The following SPAG17 variants were observed in gnomAD, a reference collection of about 807,000 sequenced individuals.
SPAG17 encodes the protein sperm associated antigen 17, also known as sperm-associated antigen 17.
Under a neutral mutation model 273.6 loss-of-function variants are expected in SPAG17, and 169 were observed. The observed-to-expected ratio is 0.62, with a 90% CI of 0.55 to 0.70. The LOEUF (loss-of-function observed/expected upper bound fraction) is 0.70, where lower values mean the gene tolerates loss of function less well. Among genes scored for constraint, SPAG17 ranks in the 30% least tolerant of loss-of-function variants. The probability of loss-of-function intolerance (pLI) is 0.00; values close to 1 mark genes in which losing one functional copy is unlikely to be tolerated. For missense variants in SPAG17, 2,557 were observed against 2,627.8 expected (o/e 0.97, Z 0.59); for synonymous variants, 825 against 873.2 (o/e 0.94, Z 0.97).
At chr1:117,995,288 C>T (rs1657531871) in intron 34 of SPAG17, among the ~76,000 whole-genome samples, 1 of 152,050 alleles carries the variant, frequency 6.6e-6, no homozygotes. Context: ...CCCTCGGAGA[C>T]CTTATCCCAA....
At chr1:118,022,478 A>G (rs1344008340) in intron 28 of SPAG17, among the ~76,000 whole-genome samples, 1 of 152,196 alleles carries the variant, frequency 6.6e-6, no homozygotes, top group Non-Finnish European at 1.5e-5. Flanking sequence ...ACCAGCAATT[A>G]AAGAAATGCA....
intron 17 of SPAG17, among the ~76,000 whole-genome samples, chr1:118,069,795 T>G (rs1163745574): frequency 6.6e-6 from 1 of 152,130 alleles, no homozygotes; most frequent in Non-Finnish European, 1.5e-5. Context: ...CCATATTAGA[T>G]GCTGGGTAAA....
At chr1:118,012,109 G>C (rs1659534568) in intron 30 of SPAG17, 119 bp downstream of exon 30, 1 of 945,192 alleles carries the variant, frequency 1.1e-6, no homozygotes, top group African/African-American at 1.7e-5. Context: ...TCTTTAGTTG[G>C]CTAACTTTAC....
intron 40 of SPAG17, among the ~76,000 whole-genome samples, chr1:117,985,080 T>C (rs1656261129): frequency 6.6e-6 from 1 of 152,208 alleles, no homozygotes; most frequent in Non-Finnish European, 1.5e-5. Context: ...CATAGCCCTG[T>C]AATGGTTAAA....
At chr1:118,134,399 T>C (rs1173586803) in intron 3 of SPAG17, among the ~76,000 whole-genome samples, 1 of 152,248 alleles carries the variant, frequency 6.6e-6, no homozygotes, top group Non-Finnish European at 1.5e-5. Flanking sequence ...ATATTTTCCT[T>C]ACTTAAGTAC....
In SPAG17 at chr1:118,091,939, G is replaced by T; in HGVS notation, c.1237C>A (p.Pro413Thr). Reference sequence around the variant, plus strand: ...CCGATTTCATACATGCCTGGTGGTGGAGCTTGCGGTTCTTCATACTGTGCT... The same window carrying T: ...CCGATTTCATACATGCCTGGTGGTGTAGCTTGCGGTTCTTCATACTGTGCT... ...KKAQYEEPQA[P>T]PPVTSVITTE... The change falls in exon 9 of 49, where the codon CCA becomes ACA. Residue 413 changes from proline (P) to threonine (T), a missense_variant. Transcript: ENST00000336338. The T allele has an allele frequency of 6.2e-7, 1 of 1,613,702 alleles. No homozygotes were observed.
At chr1:118,039,211 T>C in intron 23 of SPAG17, 81 bp downstream of exon 23, 1 of 1,405,866 alleles carries the variant, frequency 7.1e-7, no homozygotes, top group Non-Finnish European at 9.7e-7. Flanking sequence ...GAACATGCAA[T>C]AAGCCATTCA....
chr1:118,026,860 A>T (rs1647808222), intron 26 of SPAG17, among the ~76,000 whole-genome samples: 1 of 152,216 alleles, frequency 6.6e-6, no homozygotes, highest in Non-Finnish European at 1.5e-5. Context: ...CTAAAGTCCA[A>T]GACTGACCCG....
chr1:117,997,267 G>T (rs1264170534), intron 32 of SPAG17, among the ~76,000 whole-genome samples: 5 of 152,006 alleles, frequency 3.3e-5, no homozygotes, highest in Non-Finnish European at 7.4e-5. Flanking sequence ...GAAGGGGTGT[G>T]ATTCATGCTG....
At chr1:117,997,567 A>AT (rs1657790580) in intron 32 of SPAG17, among the ~76,000 whole-genome samples, 1 of 26,886 alleles carries the variant, frequency 3.7e-5, no homozygotes, top group South Asian at 1.1e-3. Flanking sequence ...AATGAGAAGT[A>AT]AAAAAAAAAA....
At chr1:118,099,057 T>C (rs1655893727) in intron 6 of SPAG17, among the ~76,000 whole-genome samples, 1 of 152,170 alleles carries the variant, frequency 6.6e-6, no homozygotes, top group African/African-American at 2.4e-5. Flanking sequence ...AGAAGTCATC[T>C]AGGATAATCT....
chr1:118,072,101 A>T (rs999000579), intron 17 of SPAG17, among the ~76,000 whole-genome samples: 3 of 152,234 alleles, frequency 2.0e-5, no homozygotes, highest in East Asian at 1.9e-4. Flanking sequence ...CTGATTAGGA[A>T]TCAGAATTGT....
chr1:117,989,162 A>T (rs1340431088), intron 38 of SPAG17, among the ~76,000 whole-genome samples: 2 of 152,182 alleles, frequency 1.3e-5, no homozygotes, highest in African/African-American at 4.8e-5. Flanking sequence ...AGTATATCCC[A>T]GGCTTCTGGG....
chr1:118,181,864 C>G (rs1188523687), intron 1 of SPAG17, among the ~76,000 whole-genome samples: 2 of 152,120 alleles, frequency 1.3e-5, no homozygotes, highest in Non-Finnish European at 2.9e-5. Context: ...TCCTGCAATC[C>G]TAGCACTTTG....
intron 31 of SPAG17, among the ~76,000 whole-genome samples, chr1:118,006,120 C>T (rs1016082042): frequency 6.6e-6 from 1 of 152,178 alleles, no homozygotes; most frequent in African/African-American, 2.4e-5. Context: ...ATATAATTTA[C>T]ATATCATAGA....
chr1:118,096,652 C>T (rs539863592), intron 7 of SPAG17, among the ~76,000 whole-genome samples: 328 of 152,248 alleles, frequency 2.2e-3, no homozygotes, highest in African/African-American at 7.5e-3. Flanking sequence ...TTTGACCTTC[C>T]GTTTTGTTAA....
chr1:118,014,177 A>G lies in SPAG17; in HGVS notation c.4287+1788T>C, dbSNP rs569208288. Among the ~76,000 whole-genome samples the G allele has an allele frequency of 2.6e-5, 4 of 152,276 alleles. No individual in the cohort carries two copies. In the East Asian group the frequency reaches 7.7e-4, roughly 29 times the overall value. ...TTGCCTCATCTATAAAATGGAAACA[A>G]TAGTAGTTTGTTGTGAGAATTGAGT... is the stretch of plus-strand genomic sequence containing the variant. On this transcript the variant is annotated intron_variant, in intron 29 of 48. Coordinates refer to ENST00000336338, the MANE Select transcript of SPAG17 (RefSeq NM_206996.4).
Position 117,990,875 on chromosome 1 carries a change from C to T in SPAG17, c.5507G>A (p.Ser1836Asn). The T allele has an allele frequency of 6.4e-7, 1 of 1,571,986 alleles. No individual in the cohort carries two copies. Among genetic ancestry groups the T allele is most frequent in the Non-Finnish European group, 8.7e-7 (1 of 1,153,276 alleles). ...ATGCAACTTACCTTCAGTAACATGACTTTTTGTAGTTTCCTCCATTTTAGG... is the reference window on the plus strand; with the variant it reads ...ATGCAACTTACCTTCAGTAACATGATTTTTTGTAGTTTCCTCCATTTTAGG... ...SFPKMEETTKSHVTEVAAHLT... is the reference protein window; with the variant it reads ...SFPKMEETTKNHVTEVAAHLT... The change falls in exon 38 of 49, where the codon AGT becomes AAT. Residue 1836 changes from serine (S) to asparagine (N), a missense_variant. Transcript: ENST00000336338.
Position 118,053,669 on chromosome 1 carries a change from A to C in SPAG17, c.2814+333T>G, listed in dbSNP as rs144327831. ...CTATAAAAATATTCTAAGAGAATGC[A>C]TAAAAATATATATGTATATCTCAAA... On this transcript the variant is annotated intron_variant, in intron 20 of 48. Coordinates refer to ENST00000336338, the MANE Select transcript of SPAG17 (RefSeq NM_206996.4). Among the ~76,000 whole-genome samples, 48 of 152,228 alleles carry C rather than the reference A, an allele frequency of 3.2e-4. No homozygotes were observed. The East Asian group carries it at 6.4e-3, about 20-fold the overall frequency.
Sources: allele counts gnomAD v4.1 joint callset (sites outside exome capture counted in the v4.1 genomes callset), GRCh38; gene constraint gnomAD v4.1.1; transcripts MANE v1.5; gene names NCBI Gene and HGNC (gene_info 2026-07-23, HGNC 2026-07-21).